The following SYT9 variants were observed in gnomAD, a reference collection of about 807,000 sequenced individuals.
SYT9 encodes the protein synaptotagmin 9, also known as synaptotagmin-9.
A neutral mutation model predicts 48.4 loss-of-function variants in SYT9; 22 were observed. The ratio of observed to expected loss-of-function variants is 0.45; its 90% confidence interval spans 0.32 to 0.65. The LOEUF (loss-of-function observed/expected upper bound fraction) is 0.65. Ranked by LOEUF, SYT9 falls within the 30% of genes least tolerant of loss-of-function variation. SYT9 has a pLI of 0.03. For missense variants in SYT9, 577 were observed against 622.0 expected (o/e 0.93, Z 0.77); for synonymous variants, 265 against 245.0 (o/e 1.08, Z -0.76).
intron 2 of SYT9, among the ~76,000 whole-genome samples, chr11:7,311,621 C>A (rs1317181916): frequency 6.6e-6 from 1 of 152,188 alleles, no homozygotes; most frequent in African/African-American, 2.4e-5. Flanking sequence ...GCACCACTTA[C>A]TAGACAGTAC....
intron 1 of SYT9, among the ~76,000 whole-genome samples, chr11:7,260,525 C>T (rs940951998): frequency 6.6e-6 from 1 of 152,274 alleles, no homozygotes; most frequent in East Asian, 1.9e-4. Flanking sequence ...GCCAAAAACC[C>T]ACTGAGGACT....
rs1849642680 is a variant in SYT9 at position 7,337,045 on chromosome 11, C to T, written c.1044+23104C>T. ...TTTGAGCAGTATTTTGTAATTCTCA[C>T]TGTAGACATCTTTACCTCCCTGGTT... On this transcript the variant is annotated intron_variant, in intron 3 of 6. Transcript: ENST00000318881. Among the ~76,000 whole-genome samples the T allele has an allele frequency of 2.0e-5, 3 of 152,004 alleles. No individual in the cohort carries two copies. The South Asian group carries it at 6.2e-4, about 32-fold the overall frequency.
At chr11:7,334,630 T>TCCCC in intron 3 of SYT9, among the ~76,000 whole-genome samples, 1 of 56,392 alleles carries the variant, frequency 1.8e-5, no homozygotes, top group Non-Finnish European at 4.4e-5. Flanking sequence ...CTCTCCTGCC[T>TCCCC]CCACTCCCTG....
intron 3 of SYT9, among the ~76,000 whole-genome samples, chr11:7,351,262 G>T (rs1278582277): frequency 6.6e-6 from 1 of 152,188 alleles, no homozygotes; most frequent in Non-Finnish European, 1.5e-5. Flanking sequence ...TCTGAATGTC[G>T]TTTGGGGCAG....
intron 6 of SYT9, among the ~76,000 whole-genome samples, chr11:7,429,178 A>G (rs1847520392): frequency 6.6e-6 from 1 of 152,202 alleles, no homozygotes; most frequent in South Asian, 2.1e-4. Context: ...TAATGATTCT[A>G]GGGAGCCTGG....
chr11:7,424,229 T>G (rs1847410735), intron 6 of SYT9, among the ~76,000 whole-genome samples: 2 of 152,216 alleles, frequency 1.3e-5, no homozygotes, highest in Admixed American at 1.3e-4. Flanking sequence ...GCAGGAATTC[T>G]GGATGAATTC....
chr11:7,354,588 A>T (rs751387952), intron 3 of SYT9, among the ~76,000 whole-genome samples: 1 of 152,104 alleles, frequency 6.6e-6, no homozygotes, highest in African/African-American at 2.4e-5. Context: ...ACCCCTCCTC[A>T]GTTCTGAAAA....
At chr11:7,449,169 C>T (rs11041386) in intron 6 of SYT9, among the ~76,000 whole-genome samples, 3 of 151,386 alleles carry the variant, frequency 2.0e-5, no homozygotes, top group African/African-American at 7.3e-5. Context: ...CATGGCAAAA[C>T]CCTGTCTCTA....
chr11:7,267,652 G>A (rs1215201987), intron 1 of SYT9, among the ~76,000 whole-genome samples: 1 of 151,428 alleles, frequency 6.6e-6, no homozygotes, highest in Non-Finnish European at 1.5e-5. Context: ...AAAAAAAAAT[G>A]CATTGAAGTT....
At chr11:7,348,399 G>A (rs933289688) in intron 3 of SYT9, among the ~76,000 whole-genome samples, 3 of 152,148 alleles carry the variant, frequency 2.0e-5, no homozygotes, top group Non-Finnish European at 2.9e-5. Flanking sequence ...CATCATTTCG[G>A]GTCAGTTTGC....
chr11:7,286,913 C>G (rs1160754393), intron 1 of SYT9, among the ~76,000 whole-genome samples: 2 of 152,226 alleles, frequency 1.3e-5, no homozygotes, highest in African/African-American at 2.4e-5. Flanking sequence ...AAGTTCCAAA[C>G]TTTCCCACAT....
chr11:7,254,156 C>T (rs924251643), intron 1 of SYT9, among the ~76,000 whole-genome samples: 8 of 152,152 alleles, frequency 5.3e-5, no homozygotes, highest in Non-Finnish European at 1.2e-4. Flanking sequence ...AAATCTGATT[C>T]CTTGGCGGAG....
At chr11:7,274,989 A>G (rs1001746172) in intron 1 of SYT9, among the ~76,000 whole-genome samples, 6 of 150,534 alleles carry the variant, frequency 4.0e-5, no homozygotes, top group Non-Finnish European at 8.9e-5. Flanking sequence ...GGAAGCCACA[A>G]CCCACTGGAG....
chr11:7,460,027 T>G (rs1051298467), intron 6 of SYT9, among the ~76,000 whole-genome samples: 14 of 152,202 alleles, frequency 9.2e-5, no homozygotes, highest in African/African-American at 3.1e-4. Flanking sequence ...CTAACACACT[T>G]GACGAAGCAG....
intron 6 of SYT9, among the ~76,000 whole-genome samples, chr11:7,429,950 G>T (rs966389213): frequency 3.3e-5 from 5 of 152,084 alleles, no homozygotes; most frequent in South Asian, 2.1e-4. Context: ...AGGGCCTGTG[G>T]GAAGCTCTTC....
At chr11:7,419,490 A>T (rs1847309496) in intron 5 of SYT9, among the ~76,000 whole-genome samples, 1 of 152,146 alleles carries the variant, frequency 6.6e-6, no homozygotes, top group South Asian at 2.1e-4. Flanking sequence ...TTTGGATCCC[A>T]TAGAATTAAA....
chr11:7,358,748 C>G (rs1395271094), intron 3 of SYT9, among the ~76,000 whole-genome samples: 1 of 152,136 alleles, frequency 6.6e-6, no homozygotes, highest in Non-Finnish European at 1.5e-5. Flanking sequence ...ATTAGATTGT[C>G]TAATGTTAAG....
At chr11:7,372,052 G>C (rs1564880456) in intron 3 of SYT9, among the ~76,000 whole-genome samples, 1 of 152,004 alleles carries the variant, frequency 6.6e-6, no homozygotes, top group Non-Finnish European at 1.5e-5. Flanking sequence ...TTGATCATAG[G>C]ATATATCTAT....
chr11:7,386,647 A>C (rs1425354471), intron 3 of SYT9, among the ~76,000 whole-genome samples: 3 of 152,184 alleles, frequency 2.0e-5, no homozygotes, highest in African/African-American at 2.4e-5. Context: ...GTCAGGAAAC[A>C]ACAGGTGCTG....
Sources: allele counts gnomAD v4.1 joint callset (sites outside exome capture counted in the v4.1 genomes callset), GRCh38; gene constraint gnomAD v4.1.1; transcripts MANE v1.5; gene names NCBI Gene and HGNC (gene_info 2026-07-23, HGNC 2026-07-21).